COL4A2: variants seen among roughly 807,000 people sequenced by gnomAD.
COL4A2 encodes the protein collagen alpha-2(IV) chain.
A neutral mutation model predicts 200.2 loss-of-function variants in COL4A2; 99 were observed. The ratio of observed to expected loss-of-function variants is 0.49; its 90% CI spans 0.42 to 0.58. The LOEUF (loss-of-function observed/expected upper bound fraction) is 0.58, where lower values mean the gene tolerates loss of function less well. Ranked by LOEUF, COL4A2 falls within the 20% of genes least tolerant of loss-of-function variation. COL4A2 has a pLI of 0.00. For synonymous variants in COL4A2, 897 were observed against 900.6 expected, an observed-to-expected ratio of 1.00 and a Z score of 0.07; for missense variants, 1,950 against 2,314.1, an observed-to-expected ratio of 0.84 and a Z score of 3.23.
intron 3 of COL4A2, among the ~76,000 whole-genome samples, chr13:110,349,304 C>G (rs1261106485): frequency 6.6e-6 from 1 of 152,170 alleles, no homozygotes; most frequent in Non-Finnish European, 1.5e-5. Flanking sequence ...TGGGCGATTC[C>G]TCAGACATCT....
chr13:110,311,426 G>T (rs1388819986), intron 3 of COL4A2, among the ~76,000 whole-genome samples: 2 of 152,184 alleles, frequency 1.3e-5, no homozygotes, highest in Admixed American at 6.5e-5. Flanking sequence ...AGGTGACGGG[G>T]TGCAGTTCTC....
intron 46 of COL4A2, 99 bp from the exon 47 acceptor site, chr13:110,507,836 G>C: frequency 3.9e-6 from 5 of 1,286,536 alleles, no homozygotes; most frequent in Non-Finnish European, 5.5e-6. Context: ...GGTGCCCTGG[G>C]GCGAGTCCGT....
chr13:110,315,478 CT>C (rs1326361104), intron 3 of COL4A2, among the ~76,000 whole-genome samples: 2 of 152,216 alleles, frequency 1.3e-5, no homozygotes, highest in African/African-American at 4.8e-5. Context: ...TCCCTGCAAC[CT>C]CTGCCTCCTG....
At chr13:110,384,834 C>T (rs1169113191) in intron 4 of COL4A2, among the ~76,000 whole-genome samples, 2 of 152,210 alleles carry the variant, frequency 1.3e-5, no homozygotes, top group Non-Finnish European at 2.9e-5. Context: ...TGTAGCAGCA[C>T]TTAGTGAGGA....
chr13:110,447,032 T>C (rs571699976), intron 18 of COL4A2, among the ~76,000 whole-genome samples, 168 bp downstream of exon 18: 9 of 152,290 alleles, frequency 5.9e-5, no homozygotes, highest in Non-Finnish European at 8.8e-5. Flanking sequence ...AGAACATAAC[T>C]TCATGTACAA....
At position 110,385,594 on chromosome 13, in the gene COL4A2, T is replaced by C. The variant is rs368886182; in HGVS notation, c.180+28042T>C. 1.1e-3 allele frequency among the ~76,000 whole-genome samples: 103 copies of C among 94,460 alleles called. 10 individuals are homozygous for C. Among genetic ancestry groups the C allele is most frequent in the African/African-American group, 3.6e-3 (78 of 21,882 alleles). The allele number at this position is 94,460 out of a possible 152,430, so 62.0% of individuals were successfully genotyped here. A position where few individuals can be genotyped will look rare whatever the true frequency, so the allele number is the denominator to read the frequency against. On this transcript the variant is annotated intron_variant, in intron 4 of 47. Transcript: ENST00000360467. ...GCTGCAGTGTGTGGATAGGCCGTGG[T>C]TACAGTGTGTGGATAGGCCGTGGCT...
intron 3 of COL4A2, among the ~76,000 whole-genome samples, chr13:110,335,211 A>G (rs958636415): frequency 6.6e-6 from 1 of 152,032 alleles, no homozygotes; most frequent in African/African-American, 2.4e-5. Context: ...CGTGTCTCCA[A>G]CACAGGCGAC....
chr13:110,474,882 C>T (rs569724319), intron 29 of COL4A2, among the ~76,000 whole-genome samples: 10 of 116,532 alleles, frequency 8.6e-5, no homozygotes, highest in African/African-American at 2.9e-4. Context: ...ACACACGTAC[C>T]CACACACGTG....
rs768460810 is a variant in COL4A2 at position 110,506,439 on chromosome 13, C to T, written c.4427C>T (p.Pro1476Leu). ...QEGAPGRPGS[P>L]GLPGMPGRSV... ...GGTGCACCAGGCCGTCCAGGGAGCC[C>T]GGGCCTGCCGGGTATGCCAGGCCGC... The change falls in exon 46 of 48, where the codon CCG (proline) becomes CTG (leucine). Residue 1476 changes from proline to leucine, a missense_variant. Pro to Leu is a moderately conservative substitution (Grantham distance 98, BLOSUM62 -3). This residue lies in a region of COL4A2 where 1,385 missense variants were observed against 1,720.5 expected (regional missense o/e 0.80). Transcript: ENST00000360467. 1.4e-5 allele frequency: 23 copies of T among 1,611,738 alleles called. No homozygotes were observed. The African/African-American group carries it at 1.5e-4, about 10-fold the overall frequency.
intron 16 of COL4A2, among the ~76,000 whole-genome samples, chr13:110,445,096 C>T (rs568975653): frequency 3.9e-5 from 6 of 152,308 alleles, no homozygotes; most frequent in African/African-American, 1.4e-4. Flanking sequence ...AGTGATCCTC[C>T]CACCTTGGCT....
intron 4 of COL4A2, among the ~76,000 whole-genome samples, chr13:110,412,105 C>T (rs914877570): frequency 2.0e-5 from 3 of 152,222 alleles, no homozygotes; most frequent in Non-Finnish European, 4.4e-5. Context: ...CCTAACAGGT[C>T]CGCCAATACA....
chr13:110,317,007 C>T (rs1482071971), intron 3 of COL4A2, among the ~76,000 whole-genome samples: 3 of 151,964 alleles, frequency 2.0e-5, no homozygotes, highest in South Asian at 2.1e-4. Flanking sequence ...CCTGTACTCA[C>T]ACACACACAG....
In COL4A2 at chr13:110,497,531, A is replaced by G. The variant is rs1430366445; in HGVS notation, c.3760+2064A>G. Among the ~76,000 whole-genome samples the G allele has an allele frequency of 4.4e-3, 259 of 59,036 alleles. 2 individuals carry two copies. Among genetic ancestry groups the G allele is most frequent in the South Asian group, 9.3e-3 (17 of 1,834 alleles). 38.7% of individuals were successfully genotyped at this position (59,036 alleles called of 152,430 possible). A position where few individuals can be genotyped will look rare whatever the true frequency, so the allele number is the denominator to read the frequency against. ...TCCACCAGCACAACCTCCACTCAGGACTGAGGATTTAGGTCAGTCCACCAG... is the reference window on the plus strand; with the variant it reads ...TCCACCAGCACAACCTCCACTCAGGGCTGAGGATTTAGGTCAGTCCACCAG... On this transcript the variant is annotated intron_variant, in intron 40 of 47. Transcript: ENST00000360467.
intron 39 of COL4A2, 137 bp downstream of exon 39, chr13:110,493,419 C>T (rs1411745029): frequency 1.2e-5 from 10 of 853,912 alleles, no homozygotes; most frequent in East Asian, 7.9e-5. Context: ...GCTATGCGAT[C>T]GGCCGTGAGG....
At chr13:110,456,561 C>G in intron 20 of COL4A2, 2 of 356,466 alleles carry the variant, frequency 5.6e-6, no homozygotes, top group East Asian at 1.5e-4. Flanking sequence ...AATTTGCAGA[C>G]TCTTATATTT....
At chr13:110,485,262 G>A (rs549513720) in intron 33 of COL4A2, among the ~76,000 whole-genome samples, 4 of 152,270 alleles carry the variant, frequency 2.6e-5, no homozygotes, top group African/African-American at 7.2e-5. Context: ...GGTGGCTCAC[G>A]CCTGTAATCC....
chr13:110,385,563 A>G (rs61963193), intron 4 of COL4A2, among the ~76,000 whole-genome samples: 1,362 of 26,068 alleles, frequency 0.052, 105 homozygotes, highest in African/African-American at 0.1. Context: ...GTGTGGATAG[A>G]CCGTGGCTGC....
At chr13:110,320,288 G>A (rs1050275267) in intron 3 of COL4A2, among the ~76,000 whole-genome samples, 8 of 152,286 alleles carry the variant, frequency 5.3e-5, no homozygotes, top group African/African-American at 1.7e-4. Context: ...GGCCCCCTAC[G>A]GCGACCCCCT....
rs547612099 is a variant in COL4A2 at position 110,316,739 on chromosome 13, A to G, written c.99+8616A>G. Reference sequence around the variant, plus strand: ...TAAACTGAGGCATGTGCAGGAAGGCACCTGGTAGGTCAATAGGAACAAAGT... The same window carrying G: ...TAAACTGAGGCATGTGCAGGAAGGCGCCTGGTAGGTCAATAGGAACAAAGT... On this transcript the variant is annotated intron_variant, in intron 3 of 47. Coordinates refer to ENST00000360467, the MANE Select transcript of COL4A2 (RefSeq NM_001846.4). 2.6e-5 allele frequency among the ~76,000 whole-genome samples: 4 copies of G among 152,306 alleles called. 1 individual carries two copies. In the South Asian group the frequency reaches 8.3e-4, roughly 32 times the overall value.
Sources: gnomAD v4.1 joint callset for allele counts (sites outside exome capture counted in the v4.1 genomes callset) on GRCh38, gnomAD v4.1.1 for gene constraint, gnomAD v4.1.1 regional missense constraint, MANE v1.5 for transcripts, NCBI Gene and HGNC (gene_info 2026-07-23, HGNC 2026-07-21) for gene names.